The following SLC24A2 variants were observed in gnomAD, a reference collection of about 807,000 sequenced individuals.
SLC24A2 encodes sodium/potassium/calcium exchanger 2.
In SLC24A2, 36 loss-of-function variants were observed where a neutral mutation model predicts 62.0. The ratio of observed to expected loss-of-function variants is 0.58; its 90% CI spans 0.44 to 0.77. The LOEUF (loss-of-function observed/expected upper bound fraction) is 0.77. Among genes scored for constraint, SLC24A2 ranks in the 30% least tolerant of loss-of-function variants. SLC24A2 has a pLI of 0.00. For missense variants in SLC24A2, 846 were observed against 817.9 expected (o/e 1.03, Z -0.42); for synonymous variants, 358 against 294.0 (o/e 1.22, Z -2.23).
chr9:20,027,947 T>A, the SLC24A2 span, among the ~76,000 whole-genome samples: 46 of 152,282 alleles, frequency 3.0e-4, 1 homozygote, highest in East Asian at 8.1e-3. Context: ...AATTCAGTGA[T>A]ACAATAAGTA....
rs1258347153 is a variant in SLC24A2 at position 19,510,214 on chromosome 9, G to C, written c.*5939C>G. ...ACCCAGTATAGTTCAACACTGTTCA[G>C]ACAGTGATTATCATTAGTCATAAGG... is the stretch of plus-strand genomic sequence containing the variant. On this transcript the variant is annotated 3_prime_UTR_variant, in exon 11 of 11. Transcript: ENST00000341998. The C allele has an allele frequency of 6.6e-6, 1 of 151,944 alleles. No individual in the cohort carries two copies. Among genetic ancestry groups the C allele is most frequent in the Non-Finnish European group, 1.5e-5 (1 of 68,004 alleles). The allele number at this position is 151,944 out of a possible 1,614,324, so 9.4% of individuals were successfully genotyped here. A position where few individuals can be genotyped will look rare whatever the true frequency, so the allele number is the denominator to read the frequency against.
the SLC24A2 span, among the ~76,000 whole-genome samples, chr9:20,101,106 T>C: frequency 9.3e-4 from 142 of 152,336 alleles, no homozygotes; most frequent in Admixed American, 2.5e-3. Flanking sequence ...AATTTCACAA[T>C]CAGAAATGTG....
At chr9:19,958,416 T>C in the SLC24A2 span, among the ~76,000 whole-genome samples, 13 of 152,308 alleles carry the variant, frequency 8.5e-5, no homozygotes, top group East Asian at 1.5e-3. Flanking sequence ...TTTGCCACCA[T>C]GGGGATTCCT....
chr9:20,224,661 G>A, the SLC24A2 span, among the ~76,000 whole-genome samples: 1 of 151,532 alleles, frequency 6.6e-6, no homozygotes, highest in African/African-American at 2.4e-5. Context: ...AGGGAGAAGA[G>A]AAGAGGGGAG....
intron 5 of SLC24A2, among the ~76,000 whole-genome samples, chr9:19,590,081 A>T (rs550189505): frequency 6.6e-6 from 1 of 152,166 alleles, no homozygotes; most frequent in East Asian, 1.9e-4. Context: ...AGGGTCCCCA[A>T]AACTCCCCTC....
At chr9:19,572,725 C>A (rs1322537621) in intron 7 of SLC24A2, among the ~76,000 whole-genome samples, 2 of 152,160 alleles carry the variant, frequency 1.3e-5, no homozygotes, top group African/African-American at 4.8e-5. Flanking sequence ...ATGCCTAGTA[C>A]CGAAGCTGTG....
intron 1 of SLC24A2, 30 bp downstream of exon 1, chr9:19,788,855 G>T: frequency 1.0e-6 from 1 of 985,450 alleles, no homozygotes; most frequent in Non-Finnish European, 1.2e-6. Context: ...CGGCTACAGC[G>T]GCAGGCGGGG....
the SLC24A2 span, among the ~76,000 whole-genome samples, chr9:19,946,861 C>G: frequency 6.6e-6 from 1 of 152,204 alleles, no homozygotes; most frequent in Non-Finnish European, 1.5e-5. Flanking sequence ...TCAGAAAGAG[C>G]TGTTTTCTCA....
the SLC24A2 span, among the ~76,000 whole-genome samples, chr9:20,015,564 C>T: frequency 1.3e-5 from 2 of 152,316 alleles, no homozygotes; most frequent in East Asian, 3.9e-4. Context: ...CCAACCCCAT[C>T]CCTGACCATA....
chr9:19,772,984 C>T (rs1327122917), intron 2 of SLC24A2, among the ~76,000 whole-genome samples: 2 of 152,040 alleles, frequency 1.3e-5, no homozygotes, highest in Non-Finnish European at 2.9e-5. Context: ...CTATATAGTG[C>T]AATATTATTT....
the SLC24A2 span, among the ~76,000 whole-genome samples, chr9:20,191,520 C>G: frequency 6.6e-6 from 1 of 151,910 alleles, no homozygotes; most frequent in Non-Finnish European, 1.5e-5. Context: ...AGCATTCCGA[C>G]AGTATCTGGA....
chr9:19,780,973 A>G (rs1157060058), intron 2 of SLC24A2, among the ~76,000 whole-genome samples: 2 of 152,088 alleles, frequency 1.3e-5, no homozygotes, highest in African/African-American at 4.8e-5. Flanking sequence ...AAAATTCTAA[A>G]AAGAAACAGA....
the SLC24A2 span, among the ~76,000 whole-genome samples, chr9:20,217,549 T>C: frequency 6.6e-6 from 1 of 152,140 alleles, no homozygotes; most frequent in Non-Finnish European, 1.5e-5. Context: ...AGCAGGTTAG[T>C]CTTCCTAAAA....
At chr9:19,642,671 CTTTTTTTTTT>C (rs71335440) in intron 2 of SLC24A2, among the ~76,000 whole-genome samples, 3 of 79,850 alleles carry the variant, frequency 3.8e-5, no homozygotes, top group Admixed American at 1.4e-4. Flanking sequence ...AGAGCGTATT[CTTTTTTTTTT>C]TTTTTTTTTT....
intron 5 of SLC24A2, among the ~76,000 whole-genome samples, chr9:19,583,901 A>AT (rs201109997): frequency 3.4e-4 from 52 of 152,026 alleles, no homozygotes; most frequent in African/African-American, 1.1e-3. Flanking sequence ...TTGGCTCCTC[A>AT]TTTTTTTTAT....
chr9:19,637,961 G>A (rs1818400898), intron 2 of SLC24A2, among the ~76,000 whole-genome samples: 1 of 152,164 alleles, frequency 6.6e-6, no homozygotes, highest in South Asian at 2.1e-4. Flanking sequence ...AGCTTCTGTT[G>A]AAAAATGTAC....
the SLC24A2 span, among the ~76,000 whole-genome samples, chr9:20,179,747 C>T: frequency 6.6e-6 from 1 of 152,118 alleles, no homozygotes. Flanking sequence ...GTAGAATAGA[C>T]TATATGCTCT....
At chr9:19,819,993 G>GTA in the SLC24A2 span, among the ~76,000 whole-genome samples, 101,219 of 123,498 alleles carry the variant, frequency 0.82, 42,573 homozygotes, top group Middle Eastern at 0.91. Flanking sequence ...AGAAACTGCA[G>GTA]TATATATATA....
At chr9:19,992,740 T>C in the SLC24A2 span, among the ~76,000 whole-genome samples, 4 of 152,196 alleles carry the variant, frequency 2.6e-5, no homozygotes, top group African/African-American at 9.7e-5. Flanking sequence ...CCTCTGCACA[T>C]TGGCAGAAAT....
Sources: allele counts gnomAD v4.1 joint callset (sites outside exome capture counted in the v4.1 genomes callset), GRCh38; gene constraint gnomAD v4.1.1; transcripts MANE v1.5; gene names NCBI Gene and HGNC (gene_info 2026-07-23, HGNC 2026-07-21).